The following LRGUK variants were observed in gnomAD, a reference collection of about 807,000 sequenced individuals.
LRGUK encodes the protein leucine rich repeats and guanylate kinase domain containing, also known as leucine-rich repeat and guanylate kinase domain-containing protein.
In LRGUK, 65 loss-of-function variants were observed where a neutral mutation model predicts 76.0. That is an observed-to-expected ratio of 0.85 (90% confidence interval 0.70 to 1.05). The LOEUF is 1.05. Ranked by LOEUF, LRGUK falls within the 50% of genes least tolerant of loss-of-function variation. LRGUK has a pLI of 0.00. For synonymous variants in LRGUK, 268 were observed against 265.6 expected (o/e 1.01, Z -0.09); for missense variants, 758 against 732.8 (o/e 1.03, Z -0.40).
At chr7:134,149,142 G>A (rs1798103525) in intron 5 of LRGUK, among the ~76,000 whole-genome samples, 1 of 144,852 alleles carries the variant, frequency 6.9e-6, no homozygotes, top group African/African-American at 2.5e-5. Flanking sequence ...GATTTGATTT[G>A]CAACATAGCT....
intron 11 of LRGUK, among the ~76,000 whole-genome samples, chr7:134,186,197 G>C (rs1799974176): frequency 1.3e-5 from 2 of 152,180 alleles, no homozygotes; most frequent in South Asian, 4.1e-4. Flanking sequence ...CTACTGCTAA[G>C]ACATACTTTG....
At chr7:134,183,214 T>A (rs1210118365) in intron 10 of LRGUK, among the ~76,000 whole-genome samples, 1 of 152,194 alleles carries the variant, frequency 6.6e-6, no homozygotes, top group Non-Finnish European at 1.5e-5. Context: ...AAGGGGATAA[T>A]GACAGAAACA....
intron 7 of LRGUK, among the ~76,000 whole-genome samples, chr7:134,169,133 GACACACACACACACACACACACACACAC>G (rs36204942): frequency 2.4e-4 from 33 of 135,502 alleles, no homozygotes; most frequent in African/African-American, 6.4e-4. Flanking sequence ...AAGGGAAGAA[GACACACACACACACACACACACACACAC>G]ACACACACAC....
downstream of LRGUK, among the ~76,000 whole-genome samples, chr7:134,212,224 G>A (rs999491995): frequency 1.3e-5 from 2 of 152,164 alleles, no homozygotes; most frequent in Non-Finnish European, 2.9e-5. Flanking sequence ...CAAGGACCAG[G>A]GTTACCTTCA....
At chr7:134,158,271 A>G (rs1053545350) in intron 6 of LRGUK, 112 bp downstream of exon 6, 38 of 960,450 alleles carry the variant, frequency 4.0e-5, no homozygotes, top group Middle Eastern at 6.3e-4. Context: ...TTCCTTCATG[A>G]AATGTTATTG....
chr7:134,138,166 C>T (rs113335525), intron 2 of LRGUK, among the ~76,000 whole-genome samples: 10 of 152,280 alleles, frequency 6.6e-5, no homozygotes, highest in African/African-American at 2.4e-4. Context: ...TTCCAGCAGC[C>T]AGTGCATCCC....
intron 10 of LRGUK, among the ~76,000 whole-genome samples, chr7:134,183,395 C>T (rs532562768): frequency 6.6e-6 from 1 of 152,250 alleles, no homozygotes; most frequent in South Asian, 2.1e-4. Context: ...ACTTTACAGT[C>T]TTATTTAACT....
chr7:134,190,553 G>A (rs1800159873), intron 11 of LRGUK, among the ~76,000 whole-genome samples: 1 of 152,208 alleles, frequency 6.6e-6, no homozygotes, highest in African/African-American at 2.4e-5. Context: ...AAATCAGTTT[G>A]CATTTCTGCA....
chr7:134,246,377 T>A (rs1802301606), intron 16 of LRGUK, among the ~76,000 whole-genome samples: 1 of 152,234 alleles, frequency 6.6e-6, no homozygotes, highest in Non-Finnish European at 1.5e-5. Flanking sequence ...GGTGTGTCAG[T>A]CTTGGCATCG....
At chr7:134,269,350 C>CT (rs71172445), downstream of LRGUK, among the ~76,000 whole-genome samples, 53,119 of 123,772 alleles carry the variant, frequency 0.43, 12,080 homozygotes, top group South Asian at 0.54. Context: ...GATTTCAATT[C>CT]TTTTTTTTTT....
chr7:134,264,179 C>A, exon 20 of LRGUK: 2 of 426,762 alleles, frequency 4.7e-6, no homozygotes, highest in Non-Finnish European at 7.8e-6. Flanking sequence ...AAAATTGTTT[C>A]TTAAATGATT....
downstream of LRGUK, among the ~76,000 whole-genome samples, chr7:134,211,933 T>G (rs1282107470): frequency 6.6e-6 from 1 of 152,164 alleles, no homozygotes; most frequent in East Asian, 1.9e-4. Context: ...AGGACTCTAG[T>G]CATCTCCTGG....
chr7:134,182,543 G>A (rs961494217), intron 10 of LRGUK, among the ~76,000 whole-genome samples: 1 of 152,146 alleles, frequency 6.6e-6, no homozygotes, highest in Non-Finnish European at 1.5e-5. Context: ...TTGCTCTCAA[G>A]TTTTTCTGTG....
chr7:134,210,373 A>T (rs1801202585), downstream of LRGUK: 1 of 397,620 alleles, frequency 2.5e-6, no homozygotes, highest in South Asian at 1.4e-4. Context: ...ACCCCCAATT[A>T]CAAGAAGATT....
At chr7:134,208,251 G>C (rs534727433) in intron 15 of LRGUK, among the ~76,000 whole-genome samples, 1 of 152,224 alleles carries the variant, frequency 6.6e-6, no homozygotes, top group African/African-American at 2.4e-5. Context: ...CAGAGCTCAC[G>C]GCTTATATAA....
intron 6 of LRGUK, among the ~76,000 whole-genome samples, chr7:134,158,521 G>A (rs765017082): frequency 1.3e-5 from 2 of 152,096 alleles, no homozygotes; most frequent in Non-Finnish European, 2.9e-5. Context: ...GGATACTTAA[G>A]CATAATATTT....
chr7:134,243,575 T>C (rs1244667915), intron 16 of LRGUK, among the ~76,000 whole-genome samples: 2 of 152,088 alleles, frequency 1.3e-5, no homozygotes, highest in Non-Finnish European at 2.9e-5. Context: ...TGGAAGAACA[T>C]TCCATGCTCA....
chr7:134,261,697 A>G (rs1802732814), intron 19 of LRGUK, among the ~76,000 whole-genome samples: 1 of 152,178 alleles, frequency 6.6e-6, no homozygotes, highest in Non-Finnish European at 1.5e-5. Flanking sequence ...TATCAGTGGT[A>G]TTTTCTAACT....
At chr7:134,199,996 A>T (rs1335649871) in intron 14 of LRGUK, among the ~76,000 whole-genome samples, 2 of 116,720 alleles carry the variant, frequency 1.7e-5, no homozygotes, top group African/African-American at 6.6e-5. Context: ...ATATATATAT[A>T]TATATATATA....
Sources: allele counts gnomAD v4.1 joint callset (sites outside exome capture counted in the v4.1 genomes callset), GRCh38; gene constraint gnomAD v4.1.1; transcripts MANE v1.5; gene names NCBI Gene and HGNC (gene_info 2026-07-23, HGNC 2026-07-21).